Variants in HIGD1B observed in about 807,000 individuals in gnomAD.
The protein encoded by HIGD1B is HIG1 hypoxia inducible domain family member 1B.
In HIGD1B, 9 loss-of-function variants were observed where a neutral mutation model predicts 8.8. The observed-to-expected ratio is 1.02, with a 90% CI of 0.62 to 1.78. The LOEUF (loss-of-function observed/expected upper bound fraction) is 1.78, where lower values mean the gene tolerates loss of function less well. Among genes scored for constraint, HIGD1B ranks in the 40% most tolerant of loss-of-function variants. The pLI is 0.00. For synonymous variants in HIGD1B, 47 were observed against 38.8 expected (o/e 1.21, Z -0.78); for missense variants, 126 against 111.8 (o/e 1.13, Z -0.57).
Position 44,849,317 on chromosome 17 carries a change from C to T in HIGD1B, c.164C>T (p.Thr55Ile), listed in dbSNP as rs368988468. ...TACCGGCTGAGGTCTCGTGGTTCCA[C>T]CAAGATGTCCATACACCTGATTCAC... is the stretch of plus-strand genomic sequence containing the variant. ...RIYRLRSRGS[T>I]KMSIHLIHTR... is the part of the protein sequence containing the mutation. Residue 55 changes from threonine (T) to isoleucine (I), a missense_variant, in exon 2 of 3, where the codon ACC becomes ATC. Coordinates refer to ENST00000253410, the MANE Select transcript of HIGD1B (RefSeq NM_016438.4). 7 of 1,613,982 alleles carry T rather than the reference C, an allele frequency of 4.3e-6. No homozygotes were observed. The African/African-American group carries it at 5.3e-5, about 12-fold the overall frequency.
In HIGD1B at chr17:44,848,082, T is replaced by C; in HGVS notation, c.-71T>C. On this transcript the variant is annotated 5_prime_UTR_variant, in exon 1 of 3. Coordinates refer to ENST00000253410, the MANE Select transcript of HIGD1B (RefSeq NM_016438.4). ...CAGACTGAGGAATCAGAGTTCTGAT[T>C]GTGGAGTGCCTCTCTCTAGGACGGG... 1 of 777,834 alleles carries C rather than the reference T, an allele frequency of 1.3e-6. No homozygotes were observed. 48.2% of individuals were successfully genotyped at this position (777,834 alleles called of 1,614,324 possible).
upstream of HIGD1B, among the ~76,000 whole-genome samples, chr17:44,845,740 C>T (rs111922353): frequency 0.015 from 2,302 of 151,798 alleles, 60 homozygotes; most frequent in African/African-American, 0.053. Flanking sequence ...GAGACCAGCC[C>T]GGCCAACATG....
At position 44,849,362 on chromosome 17, in the gene HIGD1B, C is replaced by A. The variant is rs1809503782; in HGVS notation, c.209C>A (p.Ala70Asp). 5 of 1,613,974 alleles carry A rather than the reference C, an allele frequency of 3.1e-6. No homozygotes were observed. In the Admixed American group the frequency reaches 5.0e-5, roughly 16 times the overall value. Residue 70 changes from alanine (A) to aspartate (D), a missense_variant, in exon 2 of 3, where the codon GCC becomes GAC. By Grantham distance (126) the Ala-to-Asp change is moderately radical. Coordinates refer to ENST00000253410, the MANE Select transcript of HIGD1B (RefSeq NM_016438.4). ...ATTCACACCCGAGTGGCAGCGCAGG[C>A]CTGTGCAGTGGGTGCAATCATGCTA... ...HLIHTRVAAQ[A>D]CAVGAIMLGA...
chr17:44,850,438 A>C lies in HIGD1B; in HGVS notation c.*42A>C. 3.5e-6 allele frequency: 5 copies of C among 1,424,068 alleles called. No homozygotes were observed. The highest frequency in any genetic ancestry group is 3.0e-6 in the Non-Finnish European group (3 of 1,012,414). The allele number at this position is 1,424,068 out of a possible 1,614,324, so 88.2% of individuals were successfully genotyped here. On this transcript the variant is annotated 3_prime_UTR_variant, in exon 3 of 3. Transcript: ENST00000253410. ...GGGGCTGTCCAACTCCCCTAACTCA[A>C]TCCCTGGTACATTCCTAATAAAGCA...
At chr17:44,847,234 C>A (rs1240320571), upstream of HIGD1B, among the ~76,000 whole-genome samples, 1 of 151,618 alleles carries the variant, frequency 6.6e-6, no homozygotes, top group Non-Finnish European at 1.5e-5. Context: ...GAGATCGAGA[C>A]CATCCTGGCT....
intron 1 of HIGD1B, 129 bp from the exon 2 acceptor site, chr17:44,849,125 C>A: frequency 8.8e-7 from 1 of 1,135,562 alleles, no homozygotes; most frequent in Non-Finnish European, 1.2e-6. Context: ...AACGCCCACC[C>A]CCCGCCACCA....
At position 44,848,007 on chromosome 17, in the gene HIGD1B, G is replaced by T; in HGVS notation, c.-146G>T. The stretch of plus-strand genomic sequence containing the variant: ...GGACATCTTTTCAAGTAGAGGCTGT[G>T]TTGGGGCATGGTGAGAGAGGGTCTT... On this transcript the variant is annotated 5_prime_UTR_variant, in exon 1 of 3. Transcript: ENST00000253410. 1.8e-6 allele frequency: 1 copy of T among 557,576 alleles called. No individual in the cohort carries two copies. Among genetic ancestry groups the T allele is most frequent in the East Asian group, 3.1e-5 (1 of 32,160 alleles). 34.5% of individuals were successfully genotyped at this position (557,576 alleles called of 1,614,324 possible). A position where few individuals can be genotyped will look rare whatever the true frequency, so the allele number is the denominator to read the frequency against.
rs2050426111 is a variant in HIGD1B at position 44,850,423 on chromosome 17, A to G, written c.*27A>G. The stretch of plus-strand genomic sequence containing the variant: ...ACTCCTATAGGAGCCGGGGCTGTCC[A>G]ACTCCCCTAACTCAATCCCTGGTAC... On this transcript the variant is annotated 3_prime_UTR_variant, in exon 3 of 3. Coordinates refer to ENST00000253410, the MANE Select transcript of HIGD1B (RefSeq NM_016438.4). 1 of 1,522,620 alleles carries G rather than the reference A, an allele frequency of 6.6e-7. No individual in the cohort carries two copies. The allele number at this position is 1,522,620 out of a possible 1,614,324, so 94.3% of individuals were successfully genotyped here. A position where few individuals can be genotyped will look rare whatever the true frequency, so the allele number is the denominator to read the frequency against.
Position 44,849,218 on chromosome 17 carries a change from T to C in HIGD1B, c.101-36T>C, listed in dbSNP as rs766278392. 2.5e-6 allele frequency: 4 copies of C among 1,611,994 alleles called. No homozygotes were observed. The East Asian group carries it at 6.7e-5, about 27-fold the overall frequency. Reference sequence around the variant, plus strand: ...CTCATCAGGGGAGTGCTGTGCATTGTGGCTGTGGCCCAGGGGCTGTGTTCT... The same window carrying C: ...CTCATCAGGGGAGTGCTGTGCATTGCGGCTGTGGCCCAGGGGCTGTGTTCT... On this transcript the variant is annotated intron_variant, in intron 1 of 2. Transcript: ENST00000253410.
At chr17:44,850,249 G>A in intron 2 of HIGD1B, 83 bp from the exon 3 acceptor site, 1 of 1,076,622 alleles carries the variant, frequency 9.3e-7, no homozygotes, top group East Asian at 2.4e-5. Context: ...AGCAGCTAGA[G>A]GTGAACCCCT....
chr17:44,850,067 C>A, intron 2 of HIGD1B: 1 of 382,610 alleles, frequency 2.6e-6, no homozygotes, highest in Non-Finnish European at 4.9e-6. Context: ...AATAACCACC[C>A]CTGGCCTGCC....
At chr17:44,847,656 A>G (rs968945157), upstream of HIGD1B, among the ~76,000 whole-genome samples, 3 of 152,258 alleles carry the variant, frequency 2.0e-5, no homozygotes, top group East Asian at 3.8e-4. Flanking sequence ...CAATTTGGTA[A>G]CTAATGCTGT....
rs745647263 is a variant in HIGD1B, at chr17:44,849,374, G to A, written c.221G>A (p.Gly74Asp). The A allele has an allele frequency of 3.7e-6, 6 of 1,614,140 alleles. No individual in the cohort carries two copies. In the South Asian group the frequency reaches 4.4e-5, roughly 12 times the overall value. Residue 74 changes from glycine to aspartate, a missense_variant, in exon 2 of 3, where the codon GGT (glycine) becomes GAT (aspartate). Gly to Asp is a moderately conservative substitution (Grantham distance 94). Coordinates refer to ENST00000253410, the MANE Select transcript of HIGD1B (RefSeq NM_016438.4). ...TRVAAQACAV[G>D]AIMLGAVYTM... ...GTGGCAGCGCAGGCCTGTGCAGTGG[G>A]TGCAATCATGCTAGGTGAGTAGCTT...
upstream of HIGD1B, among the ~76,000 whole-genome samples, chr17:44,847,135 T>C (rs1291888258): frequency 4.0e-5 from 6 of 151,414 alleles, no homozygotes; most frequent in African/African-American, 1.5e-4. Flanking sequence ...AAACTCCGTC[T>C]CAAAAAAACA....
chr17:44,848,620 A>G (rs796572416), intron 1 of HIGD1B, among the ~76,000 whole-genome samples: 2 of 149,818 alleles, frequency 1.3e-5, no homozygotes, highest in African/African-American at 4.9e-5. Flanking sequence ...CCCAGGGCGG[A>G]GCAAATTGGT....
chr17:44,847,174 C>T (rs1043454145), upstream of HIGD1B, among the ~76,000 whole-genome samples: 1 of 152,024 alleles, frequency 6.6e-6, no homozygotes, highest in Non-Finnish European at 1.5e-5. Flanking sequence ...TGGCTCACGC[C>T]TGTAATCCCA....
At chr17:44,848,324 G>T (rs146664155) in intron 1 of HIGD1B, 72 bp downstream of exon 1, 18 of 801,850 alleles carry the variant, frequency 2.2e-5, no homozygotes, top group Non-Finnish European at 4.0e-5. Context: ...CCTCCAAAGA[G>T]AATGAAGCAG....
chr17:44,848,221 G>A lies in HIGD1B; in HGVS notation c.69G>A (p.Arg23=), dbSNP rs2050345814. The A allele has an allele frequency of 1.1e-6, 1 of 872,946 alleles. No homozygotes were observed. The highest frequency in any genetic ancestry group is 2.0e-6 in the Non-Finnish European group (1 of 501,672). The allele number at this position is 872,946 out of a possible 1,614,324, so 54.1% of individuals were successfully genotyped here. The change falls in exon 1 of 3, where the codon AGG becomes AGA. Residue 23 remains arginine, a synonymous_variant. Transcript: ENST00000253410. The part of the protein sequence containing the change: ...DEDCVSEKLL[R]KTRESPLVPI... ...ACTGTGTGTCTGAGAAGCTCCTGAG[G>A]AAGACTCGGGAATCTCCACTGGTGC... is the stretch of plus-strand genomic sequence containing the variant.
chr17:44,849,260 G>C lies in HIGD1B; in HGVS notation c.107G>C (p.Gly36Ala), dbSNP rs2050380873. 1 of 1,614,070 alleles carries C rather than the reference G, an allele frequency of 6.2e-7. No individual in the cohort carries two copies. Among genetic ancestry groups the C allele is most frequent in the Non-Finnish European group, 8.5e-7 (1 of 1,179,998 alleles). Reference protein sequence around the residue: ...RESPLVPIGLGGCLVVAAYRI... With the variant: ...RESPLVPIGLAGCLVVAAYRI... ...CTGTGTTCTCTGCCCACAGGCTTAG[G>C]AGGCTGCTTGGTGGTAGCAGCATAC... The change falls in exon 2 of 3, where the codon GGA becomes GCA. Residue 36 changes from glycine (G) to alanine (A), a missense_variant. Physicochemically the swap from Gly to Ala is moderately conservative, Grantham distance 60. Transcript: ENST00000253410.
Sources: allele counts gnomAD v4.1 joint callset (sites outside exome capture counted in the v4.1 genomes callset), GRCh38; gene constraint gnomAD v4.1.1; transcripts MANE v1.5; gene names NCBI Gene and HGNC (gene_info 2026-07-23, HGNC 2026-07-21).